Variants in ANKRD33B observed in about 807,000 individuals in gnomAD.
The protein encoded by ANKRD33B is ankyrin repeat domain 33B, also known as ankyrin repeat domain-containing protein 33B.
Under a neutral mutation model 21.5 loss-of-function variants are expected in ANKRD33B, and 6 were observed. The observed-to-expected ratio is 0.28, with a 90% CI of 0.15 to 0.55. The LOEUF is 0.55. ANKRD33B is among the 20% of genes least tolerant of loss of function. The pLI, the probability that ANKRD33B is intolerant of heterozygous loss-of-function variation, is 0.94. For synonymous variants in ANKRD33B, 347 were observed against 342.4 expected, an observed-to-expected ratio of 1.01 and a Z score of -0.15; for missense variants, 698 against 747.2, an observed-to-expected ratio of 0.93 and a Z score of 0.77.
chr5:10,587,836 T>C (rs139181321), intron 1 of ANKRD33B, among the ~76,000 whole-genome samples: 1 of 152,342 alleles, frequency 6.6e-6, no homozygotes, highest in Non-Finnish European at 1.5e-5. Context: ...GCATATATCA[T>C]AGTTTATTCA....
intron 3 of ANKRD33B, among the ~76,000 whole-genome samples, chr5:10,643,994 T>C (rs1273324381): frequency 7.6e-6 from 1 of 132,182 alleles, no homozygotes; most frequent in Non-Finnish European, 1.6e-5. Context: ...TGACAGTAGA[T>C]GGGTAAGAAT....
intron 3 of ANKRD33B, among the ~76,000 whole-genome samples, chr5:10,643,810 AC>A (rs1737121046): frequency 8.1e-6 from 1 of 123,212 alleles, no homozygotes; most frequent in African/African-American, 3.0e-5. Context: ...ACAGAGTGAG[AC>A]TCTGTCTCAA....
intron 1 of ANKRD33B, among the ~76,000 whole-genome samples, chr5:10,611,492 A>G (rs1246965803): frequency 6.6e-6 from 1 of 152,070 alleles, no homozygotes; most frequent in Non-Finnish European, 1.5e-5. Flanking sequence ...GGTGCATGGA[A>G]CGTTCCATGG....
intron 1 of ANKRD33B, among the ~76,000 whole-genome samples, chr5:10,603,150 A>G (rs1735968242): frequency 6.6e-6 from 1 of 151,940 alleles, no homozygotes; most frequent in Non-Finnish European, 1.5e-5. Context: ...TCTTTCTAGA[A>G]AAGGATGGGA....
chr5:10,564,938 C>T (rs1735014510), intron 1 of ANKRD33B, 105 bp downstream of exon 1: 18 of 1,382,106 alleles, frequency 1.3e-5, no homozygotes, highest in Non-Finnish European at 1.7e-5. Flanking sequence ...ACCGGTCCCT[C>T]GGTCACTCAG....
chr5:10,636,880 G>A (rs1177819801), intron 2 of ANKRD33B, among the ~76,000 whole-genome samples: 1 of 152,246 alleles, frequency 6.6e-6, no homozygotes, highest in Non-Finnish European at 1.5e-5. Flanking sequence ...CCCACCGATG[G>A]CGGTTTGGTG....
At chr5:10,628,473 C>T (rs1176232538) in intron 2 of ANKRD33B, among the ~76,000 whole-genome samples, 3 of 151,994 alleles carry the variant, frequency 2.0e-5, no homozygotes, top group African/African-American at 2.4e-5. Context: ...TGAACCATTG[C>T]GCTCGGCCAG....
intron 2 of ANKRD33B, among the ~76,000 whole-genome samples, chr5:10,637,388 C>T (rs1366308533): frequency 2.9e-5 from 4 of 138,758 alleles, no homozygotes; most frequent in South Asian, 2.4e-4. Flanking sequence ...GCCTTGCCTG[C>T]GACACTCTGT....
At chr5:10,645,986 G>A (rs1015998732) in intron 3 of ANKRD33B, among the ~76,000 whole-genome samples, 3 of 152,228 alleles carry the variant, frequency 2.0e-5, no homozygotes, top group African/African-American at 4.8e-5. Context: ...CAGGGATGCC[G>A]TTAAATGTTC....
intron 2 of ANKRD33B, among the ~76,000 whole-genome samples, chr5:10,622,368 A>C (rs1321347187): frequency 2.0e-5 from 3 of 152,152 alleles, no homozygotes; most frequent in Non-Finnish European, 4.4e-5. Context: ...TTAGAATACC[A>C]CCACTGCTAC....
intron 2 of ANKRD33B, among the ~76,000 whole-genome samples, chr5:10,623,813 G>T (rs1233456181): frequency 6.6e-6 from 1 of 152,238 alleles, no homozygotes; most frequent in Non-Finnish European, 1.5e-5. Context: ...TGCCTGGGTG[G>T]ACAGGAGGAG....
At chr5:10,624,632 TA>T in intron 2 of ANKRD33B, 2 of 411,662 alleles carry the variant, frequency 4.9e-6, no homozygotes, top group Non-Finnish European at 9.7e-6. Context: ...TTACACCATT[TA>T]AACAAACACA....
At chr5:10,578,898 A>G (rs1735379873) in intron 1 of ANKRD33B, among the ~76,000 whole-genome samples, 1 of 152,140 alleles carries the variant, frequency 6.6e-6, no homozygotes, top group South Asian at 2.1e-4. Context: ...GCAGTGGCTC[A>G]TGCCTATAAT....
At chr5:10,631,908 T>G (rs1485680747) in intron 2 of ANKRD33B, among the ~76,000 whole-genome samples, 1 of 152,178 alleles carries the variant, frequency 6.6e-6, no homozygotes, top group Non-Finnish European at 1.5e-5. Context: ...GGTCGGTTGT[T>G]TCATCCAAAT....
intron 3 of ANKRD33B, among the ~76,000 whole-genome samples, chr5:10,639,575 T>A (rs368402418): frequency 7.9e-5 from 1 of 12,610 alleles, no homozygotes; most frequent in East Asian, 1.9e-3. Flanking sequence ...GGCGGTGACG[T>A]GGAGTTGCGC....
At chr5:10,615,182 AGCCCTTTAAGT>A (rs1736256854) in intron 1 of ANKRD33B, among the ~76,000 whole-genome samples, 1 of 152,168 alleles carries the variant, frequency 6.6e-6, no homozygotes, top group Non-Finnish European at 1.5e-5. Context: ...TTTTAACCTG[AGCCCTTTAAGT>A]GCAGGTTGGA....
chr5:10,637,546 T>C lies in ANKRD33B; in HGVS notation c.497-482T>C, dbSNP rs140192484. Among the ~76,000 whole-genome samples, 3 of 151,442 alleles carry C rather than the reference T, an allele frequency of 2.0e-5. No individual in the cohort carries two copies. The East Asian group carries it at 5.9e-4, about 30-fold the overall frequency. ...GGTGGGAACAGGGTGCCAGCGTGAATTGGCACTGTCCTATTGCTATGATGA... is the reference window on the plus strand; with the variant it reads ...GGTGGGAACAGGGTGCCAGCGTGAACTGGCACTGTCCTATTGCTATGATGA... On this transcript the variant is annotated intron_variant, in intron 2 of 3. Transcript: ENST00000296657.
At position 10,577,210 on chromosome 5, in the gene ANKRD33B, A is replaced by T. The variant is rs1307345646; in HGVS notation, c.366+12377A>T. 5.9e-5 allele frequency among the ~76,000 whole-genome samples: 9 copies of T among 151,792 alleles called. No individual in the cohort carries two copies. The East Asian group carries it at 1.7e-3, about 29-fold the overall frequency. ...AATGGCACAATCTCAGCTCACTGCA[A>T]CCTTTGCCTCCCGGGCTCAAGCAGT... On this transcript the variant is annotated intron_variant, in intron 1 of 3. Coordinates refer to ENST00000296657, the MANE Select transcript of ANKRD33B (RefSeq NM_001164440.2).
rs569430502 is a variant in ANKRD33B at position 10,572,180 on chromosome 5, C to T, written c.366+7347C>T. Among the ~76,000 whole-genome samples the T allele has an allele frequency of 4.6e-5, 7 of 152,306 alleles. No homozygotes were observed. The East Asian group carries it at 1.4e-3, about 29-fold the overall frequency. ...TTGGGATTACAGGCGTGAGCCACCA[C>T]ACCCGGCCAGGGCATCAGTATTTTC... On this transcript the variant is annotated intron_variant, in intron 1 of 3. Coordinates refer to ENST00000296657, the MANE Select transcript of ANKRD33B (RefSeq NM_001164440.2).
Sources: gnomAD v4.1 joint callset for allele counts (sites outside exome capture counted in the v4.1 genomes callset) on GRCh38, gnomAD v4.1.1 for gene constraint, MANE v1.5 for transcripts, NCBI Gene and HGNC (gene_info 2026-07-23, HGNC 2026-07-21) for gene names.